The following ANO10 variants were observed in gnomAD, a reference collection of about 807,000 sequenced individuals.
The protein encoded by ANO10 is anoctamin-10.
A neutral mutation model predicts 74.7 loss-of-function variants in ANO10; 77 were observed. The observed-to-expected ratio is 1.03, with a 90% CI of 0.86 to 1.25. The LOEUF (loss-of-function observed/expected upper bound fraction) is 1.25. Among genes scored for constraint, ANO10 ranks in the 50% most tolerant of loss-of-function variants. ANO10 has a pLI of 0.00. For synonymous variants in ANO10, 279 were observed against 284.9 expected, an observed-to-expected ratio of 0.98 and a Z score of 0.21; for missense variants, 721 against 778.1, an observed-to-expected ratio of 0.93 and a Z score of 0.87.
intron 4 of ANO10, among the ~76,000 whole-genome samples, chr3:43,587,340 G>A (rs1453711011): frequency 3.3e-5 from 5 of 152,104 alleles, no homozygotes; most frequent in African/African-American, 1.2e-4. Context: ...AAGAGATCTG[G>A]GCCACAGTCT....
chr3:43,562,203 A>C (rs372946500), intron 8 of ANO10, among the ~76,000 whole-genome samples: 1 of 152,024 alleles, frequency 6.6e-6, no homozygotes, highest in African/African-American at 2.4e-5. Context: ...CTGTAATCCC[A>C]GCACTTTGGG....
chr3:43,514,902 T>C (rs2077647993), intron 11 of ANO10, among the ~76,000 whole-genome samples: 1 of 152,130 alleles, frequency 6.6e-6, no homozygotes. Context: ...AAAAGAAGAA[T>C]GAAAAAGTAT....
intron 4 of ANO10, among the ~76,000 whole-genome samples, chr3:43,597,613 A>G (rs1437418596): frequency 1.4e-5 from 2 of 144,796 alleles, no homozygotes; most frequent in Non-Finnish European, 3.0e-5. Context: ...GGCCTGTTGT[A>G]GGGTGGGGGC....
intron 12 of ANO10, among the ~76,000 whole-genome samples, chr3:43,405,818 C>T (rs1233889067): frequency 1.3e-5 from 2 of 152,158 alleles, no homozygotes; most frequent in Non-Finnish European, 2.9e-5. Flanking sequence ...AAAATATATA[C>T]TTATCATTGC....
At position 43,594,123 on chromosome 3, in the gene ANO10, G is replaced by A. The variant is rs563331588; in HGVS notation, c.472+4409C>T. The stretch of plus-strand genomic sequence containing the variant: ...CAGATTCATAAAGCAAATCCTTAGA[G>A]ACCTACAAAGAGACTTAGACTCCCA... On this transcript the variant is annotated intron_variant, in intron 4 of 12. Transcript: ENST00000292246. Among the ~76,000 whole-genome samples, 70 of 152,240 alleles carry A rather than the reference G, an allele frequency of 4.6e-4. No individual in the cohort carries two copies. In the South Asian group the frequency reaches 9.3e-3, roughly 20 times the overall value.
intron 10 of ANO10, among the ~76,000 whole-genome samples, chr3:43,554,879 A>G (rs1023747811): frequency 6.6e-6 from 1 of 152,174 alleles, no homozygotes; most frequent in African/African-American, 2.4e-5. Flanking sequence ...AAACTAGACT[A>G]GCAAAAACTA....
rs539133700 is a variant in ANO10 at position 43,568,167 on chromosome 3, C to A, written c.1219-2440G>T. 2.7e-4 allele frequency among the ~76,000 whole-genome samples: 41 copies of A among 152,190 alleles called. No individual in the cohort carries two copies. The South Asian group carries it at 8.5e-3, about 32-fold the overall frequency. ...AATATATATGCACCCAATACAGGAGCACCAAGATTCATAAAGCAAATCCTT... is the reference window on the plus strand; with the variant it reads ...AATATATATGCACCCAATACAGGAGAACCAAGATTCATAAAGCAAATCCTT... On this transcript the variant is annotated intron_variant, in intron 7 of 12. Transcript: ENST00000292246.
At chr3:43,688,128 A>C (rs1487998590) in intron 1 of ANO10, among the ~76,000 whole-genome samples, 1 of 152,174 alleles carries the variant, frequency 6.6e-6, no homozygotes, top group Non-Finnish European at 1.5e-5. Flanking sequence ...CATAAACTCT[A>C]GTATTGGATC....
At chr3:43,436,856 T>A (rs185597972) in intron 11 of ANO10, among the ~76,000 whole-genome samples, 1 of 152,150 alleles carries the variant, frequency 6.6e-6, no homozygotes, top group Non-Finnish European at 1.5e-5. Context: ...CCCAACCCTG[T>A]CTCTAATGAA....
At chr3:43,511,508 A>G (rs1426327994) in intron 11 of ANO10, among the ~76,000 whole-genome samples, 1 of 152,272 alleles carries the variant, frequency 6.6e-6, no homozygotes, top group Non-Finnish European at 1.5e-5. Context: ...AAACTTAAGC[A>G]TCTTTCTTCA....
intron 12 of ANO10, among the ~76,000 whole-genome samples, chr3:43,390,170 G>C (rs1332789408): frequency 1.3e-5 from 2 of 152,246 alleles, no homozygotes; most frequent in Non-Finnish European, 2.9e-5. Context: ...GTCCCTGGGA[G>C]AGTGTGGGAG....
At chr3:43,500,157 T>C (rs1466989153) in intron 11 of ANO10, among the ~76,000 whole-genome samples, 1 of 152,208 alleles carries the variant, frequency 6.6e-6, no homozygotes, top group Non-Finnish European at 1.5e-5. Context: ...CATGTACTAC[T>C]AGATCTTTTA....
upstream of ANO10, among the ~76,000 whole-genome samples, chr3:43,625,129 C>T (rs2083480104): frequency 6.6e-6 from 1 of 152,214 alleles, no homozygotes; most frequent in African/African-American, 2.4e-5. Flanking sequence ...CACCATACCA[C>T]TGCAGGGCAG....
At chr3:43,680,749 C>A (rs1191719539) in intron 1 of ANO10, among the ~76,000 whole-genome samples, 3 of 152,172 alleles carry the variant, frequency 2.0e-5, no homozygotes, top group Admixed American at 6.5e-5. Context: ...AGAAACTCTA[C>A]AAGCCAGAAG....
intron 1 of ANO10, among the ~76,000 whole-genome samples, chr3:43,612,140 TTATA>T (rs55675402): frequency 0.12 from 7,853 of 63,954 alleles, 363 homozygotes; most frequent in Non-Finnish European, 0.15. Context: ...ATTAAATATT[TTATA>T]TATATATATA....
At chr3:43,683,336 T>C (rs947056126) in intron 1 of ANO10, among the ~76,000 whole-genome samples, 1 of 152,122 alleles carries the variant, frequency 6.6e-6, no homozygotes, top group African/African-American at 2.4e-5. Context: ...TCACAATTGC[T>C]TCAAAGAGAA....
At chr3:43,546,007 T>C (rs1400847971) in intron 11 of ANO10, among the ~76,000 whole-genome samples, 3 of 152,360 alleles carry the variant, frequency 2.0e-5, no homozygotes, top group Middle Eastern at 3.4e-3. Context: ...TAGAATAGCA[T>C]TGGTAAATTT....
intron 11 of ANO10, among the ~76,000 whole-genome samples, chr3:43,450,924 G>T (rs932013311): frequency 6.6e-6 from 1 of 152,142 alleles, no homozygotes; most frequent in South Asian, 2.1e-4. Context: ...TTAGGTATCT[G>T]CCAAGTCCAG....
intron 2 of ANO10, among the ~76,000 whole-genome samples, chr3:43,602,022 T>C (rs925745426): frequency 1.3e-5 from 2 of 152,158 alleles, no homozygotes; most frequent in African/African-American, 4.8e-5. Flanking sequence ...CAACGTTAAG[T>C]TTCCTTTAAA....
Sources: allele counts gnomAD v4.1 joint callset (sites outside exome capture counted in the v4.1 genomes callset), GRCh38; gene constraint gnomAD v4.1.1; transcripts MANE v1.5; gene names NCBI Gene and HGNC (gene_info 2026-07-23, HGNC 2026-07-21).